The following ACBD6 variants were observed in gnomAD, a reference collection of about 807,000 sequenced individuals.
The protein encoded by ACBD6 is acyl-CoA-binding domain-containing protein 6.
ACBD6 carries 28 observed loss-of-function variants against 37.2 expected under a neutral mutation model. That is an observed-to-expected ratio of 0.75 (90% confidence interval 0.56 to 1.03). The LOEUF is 1.03. Among genes scored for constraint, ACBD6 ranks in the 50% least tolerant of loss-of-function variants. The pLI, the probability that ACBD6 is intolerant of heterozygous loss-of-function variation, is 0.00. For missense variants in ACBD6, 340 were observed against 337.4 expected, an observed-to-expected ratio of 1.01 and a Z score of -0.06; for synonymous variants, 113 against 126.8, an observed-to-expected ratio of 0.89 and a Z score of 0.73.
intron 6 of ACBD6, among the ~76,000 whole-genome samples, chr1:180,331,217 C>T (rs1020917595): frequency 2.6e-5 from 4 of 152,140 alleles, no homozygotes; most frequent in African/African-American, 9.7e-5. Context: ...AGTACAGTGT[C>T]CCCATCAGGT....
At chr1:180,353,958 A>C (rs1275932865) in intron 6 of ACBD6, among the ~76,000 whole-genome samples, 1 of 152,180 alleles carries the variant, frequency 6.6e-6, no homozygotes, top group Non-Finnish European at 1.5e-5. Flanking sequence ...TTTCTATTGC[A>C]TTCCTGTTGT....
At chr1:180,428,844 A>G (rs1346602930) in intron 4 of ACBD6, among the ~76,000 whole-genome samples, 2 of 152,210 alleles carry the variant, frequency 1.3e-5, no homozygotes, top group Non-Finnish European at 2.9e-5. Context: ...AGGAAAGAAA[A>G]ATAGCCTATA....
intron 4 of ACBD6, among the ~76,000 whole-genome samples, chr1:180,419,862 G>T (rs1648281312): frequency 6.7e-6 from 1 of 150,116 alleles, no homozygotes; most frequent in South Asian, 2.1e-4. Context: ...CAGAAGAGGT[G>T]GCAGGTGAGG....
intron 5 of ACBD6, among the ~76,000 whole-genome samples, chr1:180,413,109 C>A (rs1297059281): frequency 1.3e-5 from 2 of 152,126 alleles, no homozygotes; most frequent in African/African-American, 4.8e-5. Context: ...ATAATCTCTC[C>A]CTTTAGCATA....
chr1:180,499,200 G>A (rs1461066042), intron 1 of ACBD6, among the ~76,000 whole-genome samples: 2 of 152,076 alleles, frequency 1.3e-5, no homozygotes, highest in Non-Finnish European at 2.9e-5. Flanking sequence ...AATACAAAAC[G>A]TTATTTTATA....
intron 6 of ACBD6, among the ~76,000 whole-genome samples, chr1:180,321,621 T>A (rs890747547): frequency 6.6e-6 from 1 of 152,092 alleles, no homozygotes; most frequent in Non-Finnish European, 1.5e-5. Context: ...TAAGCCAAGA[T>A]TGCACCACTG....
chr1:180,473,378 C>T (rs368842446), intron 3 of ACBD6, among the ~76,000 whole-genome samples: 60 of 141,152 alleles, frequency 4.3e-4, no homozygotes, highest in African/African-American at 1.5e-3. Context: ...ACCCGGGAGG[C>T]GGAGCTTGCA....
At chr1:180,422,966 C>CA (rs559704874) in intron 4 of ACBD6, among the ~76,000 whole-genome samples, 2 of 150,968 alleles carry the variant, frequency 1.3e-5, no homozygotes, top group African/African-American at 2.4e-5. Flanking sequence ...TGCATCTTTG[C>CA]TTTTTTTTTA....
chr1:180,423,826 C>T (rs1376293007), intron 4 of ACBD6, among the ~76,000 whole-genome samples: 1 of 152,092 alleles, frequency 6.6e-6, no homozygotes, highest in African/African-American at 2.4e-5. Flanking sequence ...AAATCAGTTG[C>T]CGTATCAGAA....
intron 7 of ACBD6, among the ~76,000 whole-genome samples, chr1:180,296,497 T>C (rs990802979): frequency 3.3e-5 from 5 of 152,168 alleles, no homozygotes; most frequent in Non-Finnish European, 7.4e-5. Flanking sequence ...TGTTGCGATC[T>C]TGGCTCCCTG....
intron 3 of ACBD6, 37 bp from the exon 4 acceptor site, chr1:180,430,299 A>G: frequency 1.3e-6 from 2 of 1,516,610 alleles, no homozygotes; most frequent in Non-Finnish European, 1.8e-6. Context: ...AAAAAGACAA[A>G]TGGGTTAAAA....
chr1:180,456,129 A>G (rs990528013), intron 3 of ACBD6, among the ~76,000 whole-genome samples: 16 of 151,244 alleles, frequency 1.1e-4, no homozygotes, highest in Non-Finnish European at 2.2e-4. Flanking sequence ...GGGGAATCAC[A>G]TGAACCTAGG....
chr1:180,346,099 G>C (rs1652171714), intron 6 of ACBD6, among the ~76,000 whole-genome samples: 1 of 152,108 alleles, frequency 6.6e-6, no homozygotes, highest in Non-Finnish European at 1.5e-5. Context: ...GAGGGATATA[G>C]GTAGCAAGTG....
In ACBD6 at chr1:180,502,225, G is replaced by A. The variant is rs1216098353; in HGVS notation, c.42C>T (p.Asp14=). The A allele has an allele frequency of 1.2e-5, 20 of 1,613,738 alleles. No individual in the cohort carries two copies. The highest frequency in any genetic ancestry group is 1.7e-5 in the Non-Finnish European group (20 of 1,180,056). The part of the protein sequence containing the change: ...SFLPAGAITG[D]SGGELSSGDD... ...CCCCTGAGCTCAGCTCTCCACCGCT[G>A]TCGCCGGTGATGGCCCCCGCGGGCA... Residue 14 remains aspartate, a synonymous_variant, in exon 1 of 8, where the codon GAC becomes GAT. Coordinates refer to ENST00000367595, the MANE Select transcript of ACBD6 (RefSeq NM_032360.4).
exon 10 of ACBD6, chr1:180,275,218 T>C (rs1648955903): frequency 6.6e-6 from 1 of 152,240 alleles, no homozygotes; most frequent in African/African-American, 2.4e-5. Context: ...GTTTTGGTTT[T>C]TAAGTGTCCC....
chr1:180,447,645 T>C lies in ACBD6; in HGVS notation c.385-17383A>G, dbSNP rs528164478. On this transcript the variant is annotated intron_variant, in intron 3 of 7. Coordinates refer to ENST00000367595, the MANE Select transcript of ACBD6 (RefSeq NM_032360.4). ...TATTATGACTAATTTTCTAGAAATA[T>C]AACACTGATCAAAATTTAGATTTTC... Among the ~76,000 whole-genome samples the C allele has an allele frequency of 9.8e-5, 15 of 152,304 alleles. No individual in the cohort carries two copies. The South Asian group carries it at 3.1e-3, about 32-fold the overall frequency.
At chr1:180,406,615 A>C (rs1157171095) in intron 5 of ACBD6, among the ~76,000 whole-genome samples, 1 of 152,164 alleles carries the variant, frequency 6.6e-6, no homozygotes, top group Admixed American at 6.5e-5. Flanking sequence ...CATAGCTATC[A>C]GTGAATAATG....
Position 180,274,270 on chromosome 1 carries a change from G to A in ACBD6, c.*937-158C>T, listed in dbSNP as rs754141897. On this transcript the variant is annotated intron_variant, in intron 10 of 13. Coordinates refer to the ACBD6 transcript ENST00000642319. Reference sequence around the variant, plus strand: ...TTACAGGCGGACAGTTAATGAATGGGAGCTTCTCCATGGACGGGACAGGAC... The same window carrying A: ...TTACAGGCGGACAGTTAATGAATGGAAGCTTCTCCATGGACGGGACAGGAC... 6 of 1,614,226 alleles carry A rather than the reference G, an allele frequency of 3.7e-6. No homozygotes were observed. The South Asian group carries it at 6.6e-5, about 18-fold the overall frequency.
intron 4 of ACBD6, among the ~76,000 whole-genome samples, chr1:180,423,749 C>G (rs777876652): frequency 1.3e-5 from 2 of 152,094 alleles, no homozygotes; most frequent in African/African-American, 2.4e-5. Context: ...ACAAACTTGA[C>G]TGAAAATTTC....
Sources: gnomAD v4.1 joint callset for allele counts (sites outside exome capture counted in the v4.1 genomes callset) on GRCh38, gnomAD v4.1.1 for gene constraint, MANE v1.5 for transcripts, NCBI Gene and HGNC (gene_info 2026-07-23, HGNC 2026-07-21) for gene names.